The following MEOX2 variants were observed in gnomAD, a reference collection of about 807,000 sequenced individuals.
The protein encoded by MEOX2 is homeobox protein MOX-2.
In MEOX2, 11 loss-of-function variants were observed where a neutral mutation model predicts 27.0. The ratio of observed to expected loss-of-function variants is 0.41; its 90% confidence interval spans 0.26 to 0.68. The LOEUF (loss-of-function observed/expected upper bound fraction) is 0.68. MEOX2 is among the 30% of genes least tolerant of loss of function. The pLI, the probability that MEOX2 is intolerant of heterozygous loss-of-function variation, is 0.33. For missense variants in MEOX2, 436 were observed against 385.4 expected, an observed-to-expected ratio of 1.13 and a Z score of -1.10; for synonymous variants, 189 against 155.4, an observed-to-expected ratio of 1.22 and a Z score of -1.61.
intron 1 of MEOX2, among the ~76,000 whole-genome samples, chr7:15,683,813 T>C (rs1782331670): frequency 6.6e-6 from 1 of 152,146 alleles, no homozygotes; most frequent in African/African-American, 2.4e-5. Context: ...TTTTTATCCT[T>C]GGTGATGACT....
chr7:15,680,319 A>T (rs1304263521), intron 1 of MEOX2: 1 of 151,978 alleles, frequency 6.6e-6, no homozygotes, highest in Non-Finnish European at 1.5e-5. Flanking sequence ...AACATTCTTT[A>T]AAAAATTCAA....
intron 2 of MEOX2, among the ~76,000 whole-genome samples, chr7:15,626,473 T>C (rs1382067985): frequency 6.6e-6 from 1 of 152,048 alleles, no homozygotes; most frequent in Non-Finnish European, 1.5e-5. Flanking sequence ...CATCATTATG[T>C]AAAAGAAATA....
chr7:15,616,076 G>GAA (rs1224313192), intron 2 of MEOX2, among the ~76,000 whole-genome samples: 1 of 151,376 alleles, frequency 6.6e-6, no homozygotes, highest in African/African-American at 2.4e-5. Flanking sequence ...AAAATAGATT[G>GAA]AAAAAAGACT....
chr7:15,651,567 A>G (rs570081754), intron 1 of MEOX2, among the ~76,000 whole-genome samples: 1 of 152,070 alleles, frequency 6.6e-6, no homozygotes, highest in South Asian at 2.1e-4. Context: ...TATTTACACA[A>G]TCCTTCATTT....
At position 15,686,641 on chromosome 7, in the gene MEOX2, A is replaced by C; in HGVS notation, c.-239T>G. 3.7e-6 allele frequency: 2 copies of C among 533,824 alleles called. No homozygotes were observed. Among genetic ancestry groups the C allele is most frequent in the Non-Finnish European group, 6.6e-6 (2 of 303,236 alleles). 33.1% of individuals were successfully genotyped at this position (533,824 alleles called of 1,614,324 possible). A position where few individuals can be genotyped will look rare whatever the true frequency, so the allele number is the denominator to read the frequency against. ...GAGCTACTCAGATGTCAAGAGTGGG[A>C]GAGGTTGAAGCCAAAAGAAGGTGGT... On this transcript the variant is annotated 5_prime_UTR_variant, in exon 1 of 3. Coordinates refer to ENST00000262041, the MANE Select transcript of MEOX2 (RefSeq NM_005924.5).
intron 1 of MEOX2, among the ~76,000 whole-genome samples, chr7:15,648,996 C>T (rs949994119): frequency 6.6e-6 from 1 of 152,014 alleles, no homozygotes; most frequent in African/African-American, 2.4e-5. Context: ...ACACAGTTGA[C>T]CTGAATTCTG....
intron 1 of MEOX2, chr7:15,680,037 G>A (rs1270790541): frequency 6.6e-6 from 1 of 151,468 alleles, no homozygotes. Flanking sequence ...AAAGCTTCAG[G>A]AATAATGAGC....
chr7:15,656,785 T>C (rs1306334203), intron 1 of MEOX2, among the ~76,000 whole-genome samples: 4 of 152,074 alleles, frequency 2.6e-5, no homozygotes, highest in African/African-American at 9.7e-5. Context: ...CCCTTGCCAT[T>C]GTTCTTTTTC....
At chr7:15,649,863 G>T (rs1781709504) in intron 1 of MEOX2, among the ~76,000 whole-genome samples, 1 of 152,066 alleles carries the variant, frequency 6.6e-6, no homozygotes, top group Non-Finnish European at 1.5e-5. Flanking sequence ...CAGGACAGGG[G>T]TCTTGCCCTG....
chr7:15,642,572 G>C (rs939201922), intron 1 of MEOX2, among the ~76,000 whole-genome samples: 2 of 151,932 alleles, frequency 1.3e-5, no homozygotes, highest in East Asian at 1.9e-4. Context: ...TATTGATCTT[G>C]CTTACAATCC....
intron 1 of MEOX2, among the ~76,000 whole-genome samples, chr7:15,627,531 T>A (rs552869667): frequency 6.6e-6 from 1 of 152,208 alleles, no homozygotes; most frequent in East Asian, 1.9e-4. Context: ...TGTGTTCATA[T>A]GACTTAAACT....
Position 15,623,803 on chromosome 7 carries a change from C to T in MEOX2, c.690+2943G>A, listed in dbSNP as rs78073579. The stretch of plus-strand genomic sequence containing the variant: ...TATCCAATACAATTACATCATTCCT[C>T]TCCTGTGACATTCTACACTCATAAC... On this transcript the variant is annotated intron_variant, in intron 2 of 2. Transcript: ENST00000262041. Among the ~76,000 whole-genome samples the T allele has an allele frequency of 6.5e-3, 985 of 152,360 alleles. 3 individuals are homozygous for T. Among genetic ancestry groups the T allele is most frequent in the African/African-American group, 0.023 (936 of 41,592 alleles).
chr7:15,645,933 A>G (rs907171557), intron 1 of MEOX2, among the ~76,000 whole-genome samples: 7 of 152,130 alleles, frequency 4.6e-5, no homozygotes, highest in African/African-American at 9.7e-5. Context: ...TCTGGTTTAT[A>G]TCTTCTCTTT....
At chr7:15,669,706 T>C (rs1313654617) in intron 1 of MEOX2, among the ~76,000 whole-genome samples, 4 of 152,206 alleles carry the variant, frequency 2.6e-5, no homozygotes. Context: ...TTCTTTTGCA[T>C]TTGCTCTTTT....
At chr7:15,671,163 T>G (rs1243603035) in intron 1 of MEOX2, among the ~76,000 whole-genome samples, 1 of 152,182 alleles carries the variant, frequency 6.6e-6, no homozygotes, top group Non-Finnish European at 1.5e-5. Context: ...CTAGATGAAC[T>G]TAATCATATT....
intron 1 of MEOX2, among the ~76,000 whole-genome samples, chr7:15,650,123 T>G (rs2115376415): frequency 6.6e-6 from 1 of 152,176 alleles, no homozygotes; most frequent in South Asian, 2.1e-4. Flanking sequence ...GAAATTCCAC[T>G]TGGATGTTTG....
At chr7:15,647,273 C>T (rs923108621) in intron 1 of MEOX2, among the ~76,000 whole-genome samples, 3 of 152,074 alleles carry the variant, frequency 2.0e-5, no homozygotes, top group African/African-American at 4.8e-5. Flanking sequence ...GTTGGAAGAA[C>T]ATCACAATTG....
chr7:15,636,687 T>C (rs1163143615), intron 1 of MEOX2, among the ~76,000 whole-genome samples: 2 of 152,098 alleles, frequency 1.3e-5, no homozygotes, highest in Admixed American at 1.3e-4. Context: ...GTAATTATTA[T>C]CTGCCTCAGT....
At position 15,631,354 on chromosome 7, in the gene MEOX2, G is replaced by A. The variant is rs192052334; in HGVS notation, c.518-4436C>T. 2.9e-4 allele frequency among the ~76,000 whole-genome samples: 44 copies of A among 151,746 alleles called. No individual in the cohort carries two copies. In the East Asian group the frequency reaches 4.5e-3, roughly 15 times the overall value. ...TCTTGGGTTTGTCTAATATGCTTTC[G>A]GGGAGGAAATAAATCAGATAAATCC... On this transcript the variant is annotated intron_variant, in intron 1 of 2. Coordinates refer to ENST00000262041, the MANE Select transcript of MEOX2 (RefSeq NM_005924.5).
Sources: gnomAD v4.1 joint callset for allele counts (sites outside exome capture counted in the v4.1 genomes callset) on GRCh38, gnomAD v4.1.1 for gene constraint, MANE v1.5 for transcripts, NCBI Gene and HGNC (gene_info 2026-07-23, HGNC 2026-07-21) for gene names.